FASTKD2: variants seen among roughly 807,000 people sequenced by gnomAD.
The protein encoded by FASTKD2 is FAST kinase domain-containing protein 2, mitochondrial.
In FASTKD2, 51 loss-of-function variants were observed where a neutral mutation model predicts 63.6. That is an observed-to-expected ratio of 0.80 (90% CI 0.64 to 1.01). The LOEUF is 1.01. Among genes scored for constraint, FASTKD2 ranks in the 50% least tolerant of loss-of-function variants. The pLI, the probability that FASTKD2 is intolerant of heterozygous loss-of-function variation, is 0.00. For missense variants in FASTKD2, 786 were observed against 831.1 expected (o/e 0.95, Z 0.67); for synonymous variants, 284 against 293.4 (o/e 0.97, Z 0.33).
intron 3 of FASTKD2, among the ~76,000 whole-genome samples, chr2:206,770,602 T>C (rs1460585819): frequency 1.3e-5 from 2 of 151,612 alleles, no homozygotes. Flanking sequence ...TGGTGGTGGG[T>C]GCCTGTAGTC....
chr2:206,773,083 G>A (rs1574665274), intron 6 of FASTKD2, among the ~76,000 whole-genome samples: 1 of 152,140 alleles, frequency 6.6e-6, no homozygotes. Context: ...GGGAGGCCAA[G>A]GTGGGTGGAT....
At chr2:206,770,004 A>G (rs1689625515) in intron 2 of FASTKD2, 87 bp from the exon 3 acceptor site, 2 of 820,652 alleles carry the variant, frequency 2.4e-6, no homozygotes, top group South Asian at 1.4e-5. Flanking sequence ...CGTTTTATTC[A>G]GTACATCAGT....
At chr2:206,773,905 AG>A (rs1421589755) in intron 6 of FASTKD2, among the ~76,000 whole-genome samples, 2 of 152,206 alleles carry the variant, frequency 1.3e-5, no homozygotes, top group Non-Finnish European at 2.9e-5. Flanking sequence ...CATATTTAAA[AG>A]TAATTTTCAG....
Position 206,767,094 on chromosome 2 carries a change from A to G in FASTKD2, c.401A>G (p.Asn134Ser). The G allele has an allele frequency of 6.2e-7, 1 of 1,614,128 alleles. No homozygotes were observed. The highest frequency in any genetic ancestry group is 8.5e-7 in the Non-Finnish European group (1 of 1,179,980). ...TCTGATGATGAATTGAAGAAAGTAA[A>G]CCTTAATCATGAAGTCTCCAATGAA... is the stretch of plus-strand genomic sequence containing the variant. The part of the protein sequence containing the change: ...DKSDDELKKV[N>S]LNHEVSNEDV... The change falls in exon 2 of 12, where the codon AAC (asparagine) becomes AGC (serine). Residue 134 changes from asparagine (N) to serine (S), a missense_variant. Asn to Ser is a conservative substitution (Grantham distance 46). Transcript: ENST00000402774.
At chr2:206,785,085 C>T (rs1430326983) in intron 7 of FASTKD2, among the ~76,000 whole-genome samples, 1 of 152,126 alleles carries the variant, frequency 6.6e-6, no homozygotes, top group Non-Finnish European at 1.5e-5. Context: ...TCTCACAGGG[C>T]AGCAGACAAG....
At chr2:206,767,967 C>T (rs1296203480) in intron 2 of FASTKD2, among the ~76,000 whole-genome samples, 1 of 152,142 alleles carries the variant, frequency 6.6e-6, no homozygotes, top group Non-Finnish European at 1.5e-5. Context: ...TTTGGTGTAG[C>T]TGAAGCACAG....
In FASTKD2 at chr2:206,765,733, C is replaced by G. The variant is rs1350473269; in HGVS notation, c.-65C>G. ...TTTTACTTCGAGGAGAAGAGTCTCA[C>G]GAGTTGTCCTGGAAGTAAGTTTAAA... On this transcript the variant is annotated 5_prime_UTR_variant, in exon 1 of 12. Coordinates refer to ENST00000402774, the MANE Select transcript of FASTKD2 (RefSeq NM_001136193.2). 1.2e-5 allele frequency: 2 copies of G among 162,956 alleles called. No individual in the cohort carries two copies. Among genetic ancestry groups the G allele is most frequent in the East Asian group, 3.8e-4 (2 of 5,272 alleles). The allele number at this position is 162,956 out of a possible 1,614,324, so 10.1% of individuals were successfully genotyped here.
At position 206,772,037 on chromosome 2, in the gene FASTKD2, C is replaced by G. The variant is rs1574664551; in HGVS notation, c.1114+20C>G. On this transcript the variant is annotated intron_variant, in intron 5 of 11. Transcript: ENST00000402774. ...TCCTAGGTAAGAGGAATTTTTCTTT[C>G]ATCATTTGCAATACCTGAGCTTCTG... The G allele has an allele frequency of 6.2e-7, 1 of 1,612,798 alleles. No homozygotes were observed. The highest frequency in any genetic ancestry group is 8.5e-7 in the Non-Finnish European group (1 of 1,178,840).
chr2:206,787,720 C>G (rs1311436299), intron 8 of FASTKD2, among the ~76,000 whole-genome samples: 2 of 152,014 alleles, frequency 1.3e-5, no homozygotes, highest in Admixed American at 1.3e-4. Flanking sequence ...TATTTGAAGC[C>G]TTAAAACATT....
At chr2:206,785,286 C>G (rs868164988) in intron 7 of FASTKD2, among the ~76,000 whole-genome samples, 1 of 152,110 alleles carries the variant, frequency 6.6e-6, no homozygotes, top group African/African-American at 2.4e-5. Context: ...CACAGCCAAA[C>G]CATATCATCT....
intron 7 of FASTKD2, among the ~76,000 whole-genome samples, chr2:206,774,977 T>C (rs779754408): frequency 2.6e-5 from 4 of 152,060 alleles, no homozygotes; most frequent in Non-Finnish European, 5.9e-5. Context: ...TTTAGATACT[T>C]TATATAAGTG....
chr2:206,772,026 A>G lies in FASTKD2; in HGVS notation c.1114+9A>G. 2 of 1,613,816 alleles carry G rather than the reference A, an allele frequency of 1.2e-6. No homozygotes were observed. Among genetic ancestry groups the G allele is most frequent in the South Asian group, 2.2e-5 (2 of 91,072 alleles). ...CAGTAAGGTGGTCCTAGGTAAGAGGAATTTTTCTTTCATCATTTGCAATAC... is the reference window on the plus strand; with the variant it reads ...CAGTAAGGTGGTCCTAGGTAAGAGGGATTTTTCTTTCATCATTTGCAATAC... On this transcript the variant is annotated intron_variant, in intron 5 of 11. Transcript: ENST00000402774.
chr2:206,772,741 G>A (rs1348446086), intron 6 of FASTKD2, among the ~76,000 whole-genome samples: 1 of 152,090 alleles, frequency 6.6e-6, no homozygotes, highest in Non-Finnish European at 1.5e-5. Flanking sequence ...AATTACTTGA[G>A]ATATTCAACA....
intron 7 of FASTKD2, among the ~76,000 whole-genome samples, chr2:206,782,400 G>A (rs1392887924): frequency 6.6e-6 from 1 of 152,200 alleles, no homozygotes; most frequent in African/African-American, 2.4e-5. Flanking sequence ...CTAAATCAGT[G>A]TTTCTGAGAA....
chr2:206,773,316 C>CAAA (rs869141094), intron 6 of FASTKD2, among the ~76,000 whole-genome samples: 7 of 68,098 alleles, frequency 1.0e-4, no homozygotes, highest in East Asian at 5.1e-4. Context: ...AACTCTGTCT[C>CAAA]AAAAAAAAAA....
intron 7 of FASTKD2, among the ~76,000 whole-genome samples, chr2:206,783,946 A>G (rs1468788848): frequency 6.6e-6 from 1 of 152,204 alleles, no homozygotes; most frequent in African/African-American, 2.4e-5. Context: ...GGTGCCGCTA[A>G]CATCCTACTA....
rs1690348757 is a variant in FASTKD2 at position 206,793,295 on chromosome 2, A to AAT, written c.*1494_*1495dup. 1.3e-5 allele frequency among the ~76,000 whole-genome samples: 2 copies of AAT among 151,834 alleles called. No homozygotes were observed. Among genetic ancestry groups the AAT allele is most frequent in the East Asian group, 3.9e-4 (2 of 5,170 alleles). On this transcript the variant is annotated 3_prime_UTR_variant, in exon 12 of 12. Transcript: ENST00000402774. Reference sequence around the variant, plus strand: ...ATGACAACAGCTGCCAGGTTGTATCAATTTATCCAGCTTGCATTTAGAAAA... The same window carrying AAT: ...ATGACAACAGCTGCCAGGTTGTATCAATATTTATCCAGCTTGCATTTAGAAAA...
At chr2:206,774,072 A>G (rs959954800) in intron 6 of FASTKD2, among the ~76,000 whole-genome samples, 153 bp from the exon 7 acceptor site, 5 of 152,246 alleles carry the variant, frequency 3.3e-5, no homozygotes, top group African/African-American at 1.2e-4. Context: ...TGAGAGAAAG[A>G]TGATTGTTCC....
chr2:206,769,212 G>T (rs1018908677), intron 2 of FASTKD2, among the ~76,000 whole-genome samples: 3 of 152,204 alleles, frequency 2.0e-5, no homozygotes, highest in Non-Finnish European at 4.4e-5. Context: ...AGTAGATATG[G>T]ATGGAATGCT....
Sources: allele counts gnomAD v4.1 joint callset (sites outside exome capture counted in the v4.1 genomes callset), GRCh38; gene constraint gnomAD v4.1.1; transcripts MANE v1.5; gene names NCBI Gene and HGNC (gene_info 2026-07-23, HGNC 2026-07-21).